The following ITPR1 variants were observed in gnomAD, a reference collection of about 807,000 sequenced individuals.
The protein encoded by ITPR1 is inositol 1,4,5-trisphosphate-gated calcium channel ITPR1.
Under a neutral mutation model 318.4 loss-of-function variants are expected in ITPR1, and 96 were observed. The observed-to-expected ratio is 0.30, with a 90% CI of 0.26 to 0.36. The LOEUF is 0.36. Ranked by LOEUF, ITPR1 falls within the 10% of genes least tolerant of loss-of-function variation. The pLI, the probability that ITPR1 is intolerant of heterozygous loss-of-function variation, is 1.00. For synonymous variants in ITPR1, 1,312 were observed against 1,289.9 expected (o/e 1.02, Z -0.37); for missense variants, 2,440 against 3,460.2 (o/e 0.71, Z 7.40).
intron 18 of ITPR1, among the ~76,000 whole-genome samples, chr3:4,668,979 A>G (rs1420937318): frequency 1.3e-5 from 2 of 152,204 alleles, no homozygotes; most frequent in Admixed American, 6.5e-5. Context: ...ATTAAGACCC[A>G]TATTTTCAGT....
intron 36 of ITPR1, among the ~76,000 whole-genome samples, chr3:4,703,534 C>T (rs1216298212): frequency 6.6e-6 from 1 of 152,120 alleles, no homozygotes; most frequent in Admixed American, 6.5e-5. Flanking sequence ...CATTCCCCAC[C>T]CCCTATTAAT....
chr3:4,811,521 A>T, intron 56 of ITPR1, 61 bp downstream of exon 56: 1 of 1,390,044 alleles, frequency 7.2e-7, no homozygotes, highest in Non-Finnish European at 1.0e-6. Flanking sequence ...TTATAACTGA[A>T]CTAAAGAAAA....
chr3:4,559,439 A>G (rs936831546), intron 4 of ITPR1, among the ~76,000 whole-genome samples: 1 of 152,198 alleles, frequency 6.6e-6, no homozygotes, highest in African/African-American at 2.4e-5. Context: ...TAAAAGTCTT[A>G]TGTTCTCTGT....
chr3:4,494,250 C>G (rs148143692), intron 1 of ITPR1, among the ~76,000 whole-genome samples, 181 bp from the exon 2 acceptor site: 1 of 152,368 alleles, frequency 6.6e-6, no homozygotes, highest in African/African-American at 2.4e-5. Flanking sequence ...AATAAGTAAG[C>G]GTAGTTACCT....
intron 4 of ITPR1, among the ~76,000 whole-genome samples, chr3:4,534,235 A>G (rs535421057): frequency 1.1e-4 from 17 of 152,292 alleles, no homozygotes; most frequent in South Asian, 2.1e-4. Flanking sequence ...ATTGTACCCA[A>G]TGGGTAATTT....
At chr3:4,764,521 T>A (rs555807367) in intron 44 of ITPR1, among the ~76,000 whole-genome samples, 1 of 152,170 alleles carries the variant, frequency 6.6e-6, no homozygotes, top group South Asian at 2.1e-4. Context: ...AGTAAGGAGG[T>A]GAACGGTCAG....
In ITPR1 at chr3:4,779,636, C is replaced by A; in HGVS notation, c.6378C>A (p.Pro2126=). Residue 2126 remains proline, a synonymous_variant, in exon 49 of 62, where the codon CCC becomes CCA. Transcript: ENST00000649015. The surrounding 1 kb of genome is among the most constrained non-coding windows in gnomAD (Gnocchi z 4.0). Reference sequence around the variant, plus strand: ...AGAGGATACTTTATAACATGAGGCCCAAGGAACTGGTGAGTCGGGTGACGG... The same window carrying A: ...AGAGGATACTTTATAACATGAGGCCAAAGGAACTGGTGAGTCGGGTGACGG... The part of the protein sequence containing the change: ...NAERILYNMR[P]KELVEVIKKA... The A allele has an allele frequency of 6.2e-7, 1 of 1,608,708 alleles. No homozygotes were observed. The highest frequency in any genetic ancestry group is 8.5e-7 in the Non-Finnish European group (1 of 1,175,794).
At chr3:4,673,487 G>GT in intron 21 of ITPR1, 100 bp downstream of exon 21, 1 of 1,226,812 alleles carries the variant, frequency 8.2e-7, no homozygotes, top group Non-Finnish European at 1.1e-6. Flanking sequence ...TGAAGTGTTG[G>GT]TTTTTTCTTC....
At chr3:4,673,518 T>C in intron 21 of ITPR1, 131 bp downstream of exon 21, 1 of 960,852 alleles carries the variant, frequency 1.0e-6, no homozygotes, top group Non-Finnish European at 1.5e-6. Flanking sequence ...TAAAATTAAG[T>C]GGATGGCAAA....
chr3:4,844,281 C>G (rs958426339), intron 61 of ITPR1, among the ~76,000 whole-genome samples: 11 of 152,058 alleles, frequency 7.2e-5, no homozygotes, highest in Non-Finnish European at 5.9e-5. Context: ...GCTACCATGC[C>G]TAGCTAATTT....
intron 4 of ITPR1, among the ~76,000 whole-genome samples, chr3:4,575,815 G>A (rs527369912): frequency 2.0e-5 from 3 of 152,158 alleles, no homozygotes; most frequent in South Asian, 4.2e-4. Context: ...GAGGCCAGGA[G>A]TTCAAGACAA....
chr3:4,675,366 T>A, intron 23 of ITPR1, 118 bp downstream of exon 23: 1 of 705,130 alleles, frequency 1.4e-6, no homozygotes. Flanking sequence ...TTCCCAACTT[T>A]TCATCGTGAA....
chr3:4,522,046 C>CT (rs1287027455), intron 4 of ITPR1, among the ~76,000 whole-genome samples: 1 of 151,968 alleles, frequency 6.6e-6, no homozygotes, highest in Admixed American at 6.5e-5. Context: ...ATTTGTTTTT[C>CT]TTTTTTGTTG....
At chr3:4,550,871 G>A (rs1224437095) in intron 4 of ITPR1, among the ~76,000 whole-genome samples, 1 of 151,574 alleles carries the variant, frequency 6.6e-6, no homozygotes, top group East Asian at 1.9e-4. Flanking sequence ...GGGTGACAGA[G>A]GCAGACCCTG....
At chr3:4,697,355 G>A (rs2094576286) in intron 34 of ITPR1, 83 bp downstream of exon 34, 10 of 521,646 alleles carry the variant, frequency 1.9e-5, no homozygotes, top group Non-Finnish European at 2.7e-5. Flanking sequence ...TGTGTGTGTA[G>A]CATCTTTGTG....
At chr3:4,845,783 G>A (rs1480922292) in intron 61 of ITPR1, among the ~76,000 whole-genome samples, 6 of 152,258 alleles carry the variant, frequency 3.9e-5, no homozygotes, top group African/African-American at 4.8e-5. Context: ...TTAGTATGGC[G>A]TGTTGTTACT....
chr3:4,794,672 T>G (rs2047781611), intron 52 of ITPR1, among the ~76,000 whole-genome samples: 1 of 152,018 alleles, frequency 6.6e-6, no homozygotes, highest in East Asian at 1.9e-4. Flanking sequence ...GCTAATTGAA[T>G]TTTTGGGTCT....
At chr3:4,723,749 A>T (rs2042321827) in intron 40 of ITPR1, among the ~76,000 whole-genome samples, 1 of 151,846 alleles carries the variant, frequency 6.6e-6, no homozygotes, top group Admixed American at 6.6e-5. Flanking sequence ...CCTATGGTGA[A>T]TCCATGCCTA....
intron 44 of ITPR1, among the ~76,000 whole-genome samples, chr3:4,753,822 C>T (rs1033048407): frequency 2.0e-5 from 3 of 152,090 alleles, no homozygotes; most frequent in Non-Finnish European, 2.9e-5. Context: ...CGGTACTGTG[C>T]GGGCTCTCAC....
Sources: allele counts gnomAD v4.1 joint callset (sites outside exome capture counted in the v4.1 genomes callset), GRCh38; gene constraint gnomAD v4.1.1; non-coding constraint Gnocchi (gnomAD v3.1); transcripts MANE v1.5; gene names NCBI Gene and HGNC (gene_info 2026-07-23, HGNC 2026-07-21).